CPPED1: variants seen among roughly 807,000 people sequenced by gnomAD.
CPPED1 encodes the protein calcineurin like phosphoesterase domain containing 1.
A neutral mutation model predicts 28.0 loss-of-function variants in CPPED1; 28 were observed. The observed-to-expected ratio is 1.00, with a 90% CI of 0.74 to 1.37. The LOEUF (loss-of-function observed/expected upper bound fraction) is 1.37, where lower values mean the gene tolerates loss of function less well. Among genes scored for constraint, CPPED1 ranks in the 40% most tolerant of loss-of-function variants. The pLI is 0.00. For synonymous variants in CPPED1, 198 were observed against 180.2 expected (o/e 1.10, Z -0.79); for missense variants, 504 against 416.5 (o/e 1.21, Z -1.83).
intron 3 of CPPED1, among the ~76,000 whole-genome samples, chr16:12,692,617 A>T (rs1465957667): frequency 6.6e-6 from 1 of 152,200 alleles, no homozygotes; most frequent in Non-Finnish European, 1.5e-5. Flanking sequence ...AACGGAAAAA[A>T]TACCAGTACC....
At chr16:12,749,987 T>C (rs1050251856) in intron 2 of CPPED1, among the ~76,000 whole-genome samples, 4 of 152,240 alleles carry the variant, frequency 2.6e-5, no homozygotes, top group African/African-American at 4.8e-5. Flanking sequence ...TCACTATCTA[T>C]GGCAGCTACA....
chr16:12,776,197 C>T (rs1244866142), intron 2 of CPPED1, among the ~76,000 whole-genome samples: 3 of 152,128 alleles, frequency 2.0e-5, no homozygotes, highest in Admixed American at 1.3e-4. Context: ...AGGTGCAATG[C>T]TGCTGGCTTT....
At chr16:12,718,098 T>G (rs2141195948) in intron 2 of CPPED1, among the ~76,000 whole-genome samples, 1 of 152,318 alleles carries the variant, frequency 6.6e-6, no homozygotes, top group South Asian at 2.1e-4. Flanking sequence ...AAGAACTCTG[T>G]CAGGGGAAGA....
intron 1 of CPPED1, among the ~76,000 whole-genome samples, chr16:12,793,258 C>A (rs921420963): frequency 6.6e-6 from 1 of 152,196 alleles, no homozygotes; most frequent in South Asian, 2.1e-4. Context: ...ACTGCAGGGT[C>A]ATCAGGCTGA....
chr16:12,764,460 CT>C (rs2080427964), intron 2 of CPPED1, among the ~76,000 whole-genome samples: 1 of 152,164 alleles, frequency 6.6e-6, no homozygotes, highest in Non-Finnish European at 1.5e-5. Context: ...ACCTTGGCCT[CT>C]CAAAGTGCTG....
At chr16:12,668,589 A>G (rs2079838222) in intron 3 of CPPED1, among the ~76,000 whole-genome samples, 1 of 152,228 alleles carries the variant, frequency 6.6e-6, no homozygotes, top group African/African-American at 2.4e-5. Context: ...CAAATCATGT[A>G]TCTAATAAGG....
At chr16:12,756,970 C>T (rs2080373599) in intron 2 of CPPED1, among the ~76,000 whole-genome samples, 2 of 152,122 alleles carry the variant, frequency 1.3e-5, no homozygotes, top group Non-Finnish European at 2.9e-5. Context: ...AGATTCAATC[C>T]CGTGAAAAAA....
At chr16:12,784,549 T>C (rs1045758466) in intron 1 of CPPED1, among the ~76,000 whole-genome samples, 2 of 99,492 alleles carry the variant, frequency 2.0e-5, no homozygotes, top group African/African-American at 8.1e-5. Flanking sequence ...CTGACCATTT[T>C]GTCATGAAAA....
intron 2 of CPPED1, among the ~76,000 whole-genome samples, chr16:12,751,464 T>C (rs895010669): frequency 4.6e-5 from 7 of 152,242 alleles, no homozygotes; most frequent in African/African-American, 1.7e-4. Context: ...ATAGACCTCC[T>C]TGAAAAGTCC....
rs1164084052 is a variant in CPPED1, at chr16:12,803,857, T to C, written c.-81A>G. The C allele has an allele frequency of 4.6e-6, 6 of 1,302,854 alleles. No homozygotes were observed. Among genetic ancestry groups the C allele is most frequent in the Non-Finnish European group, 5.2e-6 (5 of 958,016 alleles). 80.7% of individuals were successfully genotyped at this position (1,302,854 alleles called of 1,614,324 possible). A position where few individuals can be genotyped will look rare whatever the true frequency, so the allele number is the denominator to read the frequency against. On this transcript the variant is annotated 5_prime_UTR_variant, in exon 1 of 4. Transcript: ENST00000381774. Reference sequence around the variant, plus strand: ...CTTCACACAGAACAACCGCTGGACCTGTCCCGCTTTGGGCGACGCCCTTTG... The same window carrying C: ...CTTCACACAGAACAACCGCTGGACCCGTCCCGCTTTGGGCGACGCCCTTTG...
rs2079814788 is a variant in CPPED1, at chr16:12,664,662, A to G, written c.*224T>C. On this transcript the variant is annotated 3_prime_UTR_variant, in exon 4 of 4. Coordinates refer to ENST00000381774, the MANE Select transcript of CPPED1 (RefSeq NM_018340.3). The surrounding 1 kb of genome is among the most constrained non-coding windows in gnomAD (Gnocchi z 4.2). The stretch of plus-strand genomic sequence containing the variant: ...ATGCAGAGATAGTCTAATATTTTAA[A>G]AACTGATTTCCAGGATCATTCGCTC... 1 of 1,374,580 alleles carries G rather than the reference A, an allele frequency of 7.3e-7. No individual in the cohort carries two copies. The highest frequency in any genetic ancestry group is 3.6e-5 in the Admixed American group (1 of 27,836). The allele number at this position is 1,374,580 out of a possible 1,614,324, so 85.1% of individuals were successfully genotyped here. A position where few individuals can be genotyped will look rare whatever the true frequency, so the allele number is the denominator to read the frequency against.
chr16:12,761,460 A>C (rs1206461498), intron 2 of CPPED1, among the ~76,000 whole-genome samples: 1 of 152,200 alleles, frequency 6.6e-6, no homozygotes, highest in East Asian at 1.9e-4. Context: ...ACTATTTCAT[A>C]ATAAAACAGC....
intron 2 of CPPED1, among the ~76,000 whole-genome samples, chr16:12,766,209 A>G (rs2080436916): frequency 1.3e-5 from 2 of 149,784 alleles, no homozygotes; most frequent in South Asian, 4.2e-4. Context: ...CCTGGCCAAC[A>G]TGGTGAAACC....
At chr16:12,786,352 A>G (rs1010671181) in intron 1 of CPPED1, among the ~76,000 whole-genome samples, 1 of 152,214 alleles carries the variant, frequency 6.6e-6, no homozygotes, top group Non-Finnish European at 1.5e-5. Flanking sequence ...GTGGCCTGCA[A>G]CTTACATGGG....
chr16:12,799,895 G>A (rs1000925435), intron 1 of CPPED1, among the ~76,000 whole-genome samples: 2 of 152,260 alleles, frequency 1.3e-5, no homozygotes, highest in Non-Finnish European at 2.9e-5. Context: ...AGATTTACTC[G>A]GGGCTAAGAA....
intron 3 of CPPED1, among the ~76,000 whole-genome samples, chr16:12,699,350 T>C (rs1361857177): frequency 6.6e-6 from 1 of 152,136 alleles, no homozygotes; most frequent in Admixed American, 6.5e-5. Flanking sequence ...GGTTTTTCAC[T>C]GAGCTTCAAA....
chr16:12,751,255 G>A (rs919983757), intron 2 of CPPED1, among the ~76,000 whole-genome samples: 3 of 152,162 alleles, frequency 2.0e-5, no homozygotes, highest in Non-Finnish European at 4.4e-5. Context: ...TTTGTTGGCA[G>A]CAAGTGTTCC....
chr16:12,786,905 C>T lies in CPPED1; in HGVS notation c.71-5502G>A, dbSNP rs141306511. Reference sequence around the variant, plus strand: ...CCAGCCTGGGTGACAGAGAGAGACTCCATCTCAAAAGTAAGAAGTTAATCA... The same window carrying T: ...CCAGCCTGGGTGACAGAGAGAGACTTCATCTCAAAAGTAAGAAGTTAATCA... On this transcript the variant is annotated intron_variant, in intron 1 of 3. Transcript: ENST00000381774. Among the ~76,000 whole-genome samples, 6 of 152,254 alleles carry T rather than the reference C, an allele frequency of 3.9e-5. No individual in the cohort carries two copies. The East Asian group carries it at 7.7e-4, about 20-fold the overall frequency.
At chr16:12,715,954 G>T (rs1013447173) in intron 2 of CPPED1, among the ~76,000 whole-genome samples, 2 of 152,188 alleles carry the variant, frequency 1.3e-5, no homozygotes, top group East Asian at 3.9e-4. Context: ...GAAGCCAAAA[G>T]ACTGGACACC....
Sources: gnomAD v4.1 joint callset for allele counts (sites outside exome capture counted in the v4.1 genomes callset) on GRCh38, gnomAD v4.1.1 for gene constraint, Gnocchi (gnomAD v3.1) non-coding constraint, MANE v1.5 for transcripts, NCBI Gene and HGNC (gene_info 2026-07-23, HGNC 2026-07-21) for gene names.